SUCLG2: variants seen among roughly 807,000 people sequenced by gnomAD.
The protein encoded by SUCLG2 is succinate--CoA ligase [GDP-forming] subunit beta, mitochondrial.
A neutral mutation model predicts 47.9 loss-of-function variants in SUCLG2; 42 were observed. The ratio of observed to expected loss-of-function variants is 0.88; its 90% CI spans 0.69 to 1.14. The LOEUF (loss-of-function observed/expected upper bound fraction) is 1.14, where lower values mean the gene tolerates loss of function less well. Among genes scored for constraint, SUCLG2 ranks in the 50% most tolerant of loss-of-function variants. The pLI is 0.00. For missense variants in SUCLG2, 571 were observed against 525.9 expected, an observed-to-expected ratio of 1.09 and a Z score of -0.84; for synonymous variants, 195 against 197.3, an observed-to-expected ratio of 0.99 and a Z score of 0.10.
At chr3:67,641,406 G>A (rs926609429) in intron 1 of SUCLG2, among the ~76,000 whole-genome samples, 5 of 152,196 alleles carry the variant, frequency 3.3e-5, no homozygotes, top group Admixed American at 1.3e-4. Flanking sequence ...CTCCAGAAGT[G>A]CCAAGGTGAA....
intron 9 of SUCLG2, among the ~76,000 whole-genome samples, chr3:67,440,890 A>G (rs1008896793): frequency 6.6e-6 from 1 of 152,236 alleles, no homozygotes; most frequent in African/African-American, 2.4e-5. Flanking sequence ...ATATAGACAA[A>G]GGATTACAAA....
chr3:67,377,702 G>A (rs1702063671), intron 10 of SUCLG2, among the ~76,000 whole-genome samples: 1 of 152,132 alleles, frequency 6.6e-6, no homozygotes, highest in Admixed American at 6.6e-5. Context: ...CACCCAAGAT[G>A]GAGTGCAGTG....
chr3:67,616,001 G>T (rs76877599), intron 1 of SUCLG2, among the ~76,000 whole-genome samples: 167 of 151,922 alleles, frequency 1.1e-3, no homozygotes, highest in African/African-American at 3.5e-3. Context: ...GTATCACCAA[G>T]TAACCATGTG....
Position 67,529,068 on chromosome 3 carries a change from T to C in SUCLG2, c.326+19A>G, listed in dbSNP as rs1307666343. The C allele has an allele frequency of 6.3e-7, 1 of 1,590,234 alleles. No homozygotes were observed. The highest frequency in any genetic ancestry group is 8.6e-7 in the Non-Finnish European group (1 of 1,168,344). On this transcript the variant is annotated intron_variant, in intron 3 of 10. Coordinates refer to ENST00000307227, the MANE Select transcript of SUCLG2 (RefSeq NM_003848.4). ...AACTGCTTGGCCAAAAGACAAGGAA[T>C]AACAACCTCCAGACTTACTCTTTTG...
intron 4 of SUCLG2, 87 bp downstream of exon 4, chr3:67,528,045 C>A: frequency 8.4e-7 from 1 of 1,192,940 alleles, no homozygotes; most frequent in Non-Finnish European, 1.2e-6. Context: ...AGCAGTACTT[C>A]ATTAGATTCT....
chr3:67,366,078 C>T (rs1228839683), intron 10 of SUCLG2, among the ~76,000 whole-genome samples: 1 of 152,140 alleles, frequency 6.6e-6, no homozygotes, highest in Non-Finnish European at 1.5e-5. Context: ...GACATAAAAT[C>T]CCTCACACTA....
chr3:67,366,539 C>T (rs910527626), intron 10 of SUCLG2, among the ~76,000 whole-genome samples: 3 of 152,126 alleles, frequency 2.0e-5, no homozygotes, highest in Admixed American at 1.3e-4. Context: ...TAGAGAAACA[C>T]GTGTTTGAAT....
At chr3:67,462,058 T>C (rs553720760) in intron 9 of SUCLG2, among the ~76,000 whole-genome samples, 3 of 152,266 alleles carry the variant, frequency 2.0e-5, no homozygotes, top group East Asian at 3.9e-4. Context: ...TATATATGTA[T>C]GTTTTTGTCC....
chr3:67,623,519 A>C (rs1358557920), intron 1 of SUCLG2, among the ~76,000 whole-genome samples: 1 of 152,132 alleles, frequency 6.6e-6, no homozygotes, highest in African/African-American at 2.4e-5. Context: ...AAAAATAAGA[A>C]AGAAAAGAAA....
intron 2 of SUCLG2, among the ~76,000 whole-genome samples, chr3:67,598,013 T>C (rs547606102): frequency 3.9e-4 from 60 of 152,034 alleles, no homozygotes; most frequent in African/African-American, 1.0e-3. Context: ...CGGAGTCTTG[T>C]TCTGTTGCCC....
At chr3:67,593,285 T>C (rs2772462) in intron 2 of SUCLG2, among the ~76,000 whole-genome samples, 67,128 of 143,912 alleles carry the variant, frequency 0.47, 15,563 homozygotes, top group African/African-American at 0.61. Context: ...CATTCAATTG[T>C]GTATCCAGCA....
chr3:67,442,112 G>A (rs1703780561), intron 9 of SUCLG2, among the ~76,000 whole-genome samples: 1 of 144,804 alleles, frequency 6.9e-6, no homozygotes, highest in Non-Finnish European at 1.5e-5. Context: ...CCGGGTTCAC[G>A]CCATTCTCCT....
intron 2 of SUCLG2, among the ~76,000 whole-genome samples, chr3:67,597,273 C>T (rs1575805582): frequency 6.6e-6 from 1 of 152,224 alleles, no homozygotes; most frequent in East Asian, 1.9e-4. Context: ...GCTGCTGCTT[C>T]CTTAGTTTTA....
At chr3:67,465,677 T>C (rs752084238) in intron 9 of SUCLG2, among the ~76,000 whole-genome samples, 5 of 152,218 alleles carry the variant, frequency 3.3e-5, no homozygotes, top group South Asian at 2.1e-4. Context: ...ACCTGCATCA[T>C]AGTCTGATGG....
At chr3:67,573,581 G>A (rs983818915) in intron 2 of SUCLG2, among the ~76,000 whole-genome samples, 1 of 152,124 alleles carries the variant, frequency 6.6e-6, no homozygotes, top group Non-Finnish European at 1.5e-5. Flanking sequence ...AGGTATTAGT[G>A]AGACAGCCAC....
intron 2 of SUCLG2, among the ~76,000 whole-genome samples, chr3:67,586,420 G>A (rs1464178993): frequency 6.6e-6 from 1 of 152,162 alleles, no homozygotes; most frequent in Non-Finnish European, 1.5e-5. Context: ...TTTAAAGGAA[G>A]AGCTATGAAT....
chr3:67,363,341 G>T (rs1701830784), intron 10 of SUCLG2, among the ~76,000 whole-genome samples: 1 of 152,100 alleles, frequency 6.6e-6, no homozygotes, highest in Admixed American at 6.5e-5. Flanking sequence ...TTCTCAAATT[G>T]TACCACTATA....
intron 7 of SUCLG2, 56 bp from the exon 8 acceptor site, chr3:67,498,351 A>C: frequency 6.3e-7 from 1 of 1,579,488 alleles, no homozygotes; most frequent in Non-Finnish European, 8.6e-7. Flanking sequence ...CTATAAATTA[A>C]GTTCTTCAGG....
chr3:67,473,202 A>C (rs1299108781), intron 9 of SUCLG2, among the ~76,000 whole-genome samples: 3 of 152,042 alleles, frequency 2.0e-5, no homozygotes, highest in Non-Finnish European at 4.4e-5. Flanking sequence ...TTTTTGAGAC[A>C]GGGTCTTACT....
Sources: allele counts gnomAD v4.1 joint callset (sites outside exome capture counted in the v4.1 genomes callset), GRCh38; gene constraint gnomAD v4.1.1; transcripts MANE v1.5; gene names NCBI Gene and HGNC (gene_info 2026-07-23, HGNC 2026-07-21).